Variants in ATRNL1 observed in about 807,000 individuals in gnomAD.
ATRNL1 encodes attractin like 1, also known as attractin-like protein 1.
In ATRNL1, 95 loss-of-function variants were observed where a neutral mutation model predicts 182.7. The observed-to-expected ratio is 0.52, with a 90% CI of 0.44 to 0.62. The LOEUF (loss-of-function observed/expected upper bound fraction) is 0.62. ATRNL1 is among the 20% of genes least tolerant of loss of function. ATRNL1 has a pLI of 0.00. For synonymous variants in ATRNL1, 576 were observed against 568.3 expected (o/e 1.01, Z -0.19); for missense variants, 1,471 against 1,679.5 (o/e 0.88, Z 2.17).
At chr10:115,213,098 G>C (rs1849094164) in intron 8 of ATRNL1, among the ~76,000 whole-genome samples, 1 of 152,064 alleles carries the variant, frequency 6.6e-6, no homozygotes, top group South Asian at 2.1e-4. Context: ...ATTCATCTCA[G>C]TGTTAGTATT....
intron 24 of ATRNL1, among the ~76,000 whole-genome samples, chr10:115,483,477 T>C (rs1489706634): frequency 6.6e-6 from 1 of 151,574 alleles, no homozygotes; most frequent in Non-Finnish European, 1.5e-5. Context: ...GCATACATTT[T>C]ATTGGTCATT....
intron 27 of ATRNL1, among the ~76,000 whole-genome samples, chr10:115,823,840 T>A (rs1555091185): frequency 6.6e-6 from 1 of 152,212 alleles, no homozygotes; most frequent in Non-Finnish European, 1.5e-5. Context: ...ATTGTGAATA[T>A]GGCCATACTG....
intron 26 of ATRNL1, among the ~76,000 whole-genome samples, chr10:115,697,169 A>G (rs1270298506): frequency 1.3e-5 from 2 of 151,990 alleles, no homozygotes; most frequent in Admixed American, 1.3e-4. Flanking sequence ...AGTGATTTTG[A>G]GCTTTTTTTC....
chr10:115,505,498 A>G (rs1469429310), intron 24 of ATRNL1, among the ~76,000 whole-genome samples: 1 of 152,122 alleles, frequency 6.6e-6, no homozygotes, highest in Non-Finnish European at 1.5e-5. Context: ...TTCCATAAAA[A>G]GCAAACAAAC....
At position 115,277,603 on chromosome 10, in the gene ATRNL1, G is replaced by A. The variant is rs186883081; in HGVS notation, c.2101-3752G>A. Among the ~76,000 whole-genome samples, 373 of 151,256 alleles carry A rather than the reference G, an allele frequency of 2.5e-3. 3 individuals carry two copies. The highest frequency in any genetic ancestry group is 3.8e-3 in the Non-Finnish European group (260 of 67,816). ...AAAACAAAACAAAAAGATTGAGGTG[G>A]GGGCTCAATGTTTAGCATTAAATCT... On this transcript the variant is annotated intron_variant, in intron 13 of 28. Coordinates refer to ENST00000355044, the MANE Select transcript of ATRNL1 (RefSeq NM_207303.4).
At chr10:115,653,845 T>C (rs1860160270) in intron 26 of ATRNL1, among the ~76,000 whole-genome samples, 1 of 152,214 alleles carries the variant, frequency 6.6e-6, no homozygotes, top group African/African-American at 2.4e-5. Flanking sequence ...AAATGTTTGT[T>C]TCATTAGTGT....
At chr10:115,106,634 TAGTG>T (rs1354519787) in intron 1 of ATRNL1, among the ~76,000 whole-genome samples, 1 of 152,326 alleles carries the variant, frequency 6.6e-6, no homozygotes, top group African/African-American at 2.4e-5. Context: ...ATTCTCGTGA[TAGTG>T]AGTAAGTCTC....
At chr10:115,862,169 G>A (rs1455802606) in intron 28 of ATRNL1, among the ~76,000 whole-genome samples, 4 of 152,106 alleles carry the variant, frequency 2.6e-5, no homozygotes, top group African/African-American at 9.7e-5. Flanking sequence ...CTTTAAGACT[G>A]AAATTTTTCA....
intron 26 of ATRNL1, among the ~76,000 whole-genome samples, chr10:115,668,041 G>A (rs1861102398): frequency 6.6e-6 from 1 of 152,080 alleles, no homozygotes; most frequent in South Asian, 2.1e-4. Flanking sequence ...CTTGATGGGA[G>A]AAGCAGCATG....
intron 28 of ATRNL1, among the ~76,000 whole-genome samples, chr10:115,932,673 T>C (rs536604743): frequency 2.6e-4 from 39 of 152,218 alleles, no homozygotes; most frequent in African/African-American, 9.4e-4. Flanking sequence ...ATTTTGACTT[T>C]GCAGAGATCA....
chr10:115,626,821 G>A (rs1449198748), intron 26 of ATRNL1, among the ~76,000 whole-genome samples: 1 of 152,078 alleles, frequency 6.6e-6, no homozygotes, highest in African/African-American at 2.4e-5. Context: ...GAATTCCAGA[G>A]TAGCATCTGC....
intron 27 of ATRNL1, among the ~76,000 whole-genome samples, chr10:115,774,750 C>T (rs1433702078): frequency 6.6e-6 from 1 of 152,050 alleles, no homozygotes; most frequent in Non-Finnish European, 1.5e-5. Context: ...CACATAATTC[C>T]TACCACTGAC....
At chr10:115,599,012 T>A (rs546447396) in intron 26 of ATRNL1, among the ~76,000 whole-genome samples, 18 of 152,358 alleles carry the variant, frequency 1.2e-4, no homozygotes, top group African/African-American at 4.1e-4. Flanking sequence ...TTTGCTAGCA[T>A]CATGCATTGG....
At chr10:115,432,090 A>G (rs533374057) in intron 21 of ATRNL1, among the ~76,000 whole-genome samples, 1 of 152,292 alleles carries the variant, frequency 6.6e-6, no homozygotes, top group East Asian at 1.9e-4. Context: ...AAAGTAAAAG[A>G]AAATGAGTAA....
intron 5 of ATRNL1, among the ~76,000 whole-genome samples, chr10:115,147,854 G>T (rs1198658068): frequency 1.3e-5 from 2 of 151,950 alleles, no homozygotes; most frequent in South Asian, 4.1e-4. Flanking sequence ...TGCTGTTTTG[G>T]TTACTATAGC....
At chr10:115,500,463 C>T (rs782215348) in intron 24 of ATRNL1, among the ~76,000 whole-genome samples, 42 of 152,008 alleles carry the variant, frequency 2.8e-4, no homozygotes, top group Non-Finnish European at 4.0e-4. Flanking sequence ...TCTCCAGTTT[C>T]CCGTGTTTAT....
intron 26 of ATRNL1, among the ~76,000 whole-genome samples, chr10:115,622,449 A>G (rs782501027): frequency 7.2e-5 from 11 of 152,150 alleles, no homozygotes; most frequent in Non-Finnish European, 1.0e-4. Context: ...TTTGTTACAG[A>G]CATTTGTAAT....
At chr10:115,164,085 C>T (rs1354492805) in intron 6 of ATRNL1, among the ~76,000 whole-genome samples, 6 of 152,242 alleles carry the variant, frequency 3.9e-5, no homozygotes, top group East Asian at 1.9e-4. Flanking sequence ...GCTCCTGTTT[C>T]TTGGCTGGAT....
At chr10:115,635,430 A>G (rs1858805507) in intron 26 of ATRNL1, among the ~76,000 whole-genome samples, 1 of 152,186 alleles carries the variant, frequency 6.6e-6, no homozygotes. Flanking sequence ...AAATAAAACT[A>G]CAATGAGATA....
Sources: allele counts gnomAD v4.1 joint callset (sites outside exome capture counted in the v4.1 genomes callset), GRCh38; gene constraint gnomAD v4.1.1; transcripts MANE v1.5; gene names NCBI Gene and HGNC (gene_info 2026-07-23, HGNC 2026-07-21).